Variants in MRPS10 observed in about 807,000 individuals in gnomAD.
MRPS10 encodes small ribosomal subunit protein uS10m.
In MRPS10, 23 loss-of-function variants were observed where a neutral mutation model predicts 27.5. The observed-to-expected ratio is 0.84, with a 90% confidence interval of 0.60 to 1.18. The LOEUF is 1.18. MRPS10 is among the 50% of genes most tolerant of loss of function. The pLI is 0.00. For synonymous variants in MRPS10, 88 were observed against 84.2 expected, an observed-to-expected ratio of 1.04 and a Z score of -0.25; for missense variants, 237 against 240.1, an observed-to-expected ratio of 0.99 and a Z score of 0.09.
At chr6:42,213,993 A>G in intron 3 of MRPS10, 127 bp downstream of exon 3, 1 of 636,562 alleles carries the variant, frequency 1.6e-6, no homozygotes, top group Non-Finnish European at 2.7e-6. Context: ...TGCGTTGTGC[A>G]TTTGCCAGTA....
chr6:42,208,414 G>T (rs758084040), intron 6 of MRPS10, 42 bp from the exon 7 acceptor site: 11 of 1,398,412 alleles, frequency 7.9e-6, no homozygotes, highest in South Asian at 3.7e-5. Flanking sequence ...GGATTTAACA[G>T]AACTCTTTGA....
At chr6:42,214,997 CTACATA>C (rs1192252572) in intron 1 of MRPS10, among the ~76,000 whole-genome samples, 1 of 152,184 alleles carries the variant, frequency 6.6e-6, no homozygotes, top group Non-Finnish European at 1.5e-5. Context: ...AACGATACTA[CTACATA>C]TAACAGCTGT....
At chr6:42,211,673 CA>C (rs35472345) in intron 4 of MRPS10, 107 bp downstream of exon 4, 74,376 of 667,816 alleles carry the variant, frequency 0.11, 281 homozygotes, top group African/African-American at 0.19. Context: ...GACTCTGTCT[CA>C]AAAAAAAAAA....
At chr6:42,214,483 G>GA (rs3215607) in intron 1 of MRPS10, 139 bp from the exon 2 acceptor site, 1,160 of 446,314 alleles carry the variant, frequency 2.6e-3, no homozygotes, top group Middle Eastern at 4.8e-3. Flanking sequence ...AAATTAGATT[G>GA]AAAAAAAAAA....
Position 42,207,682 on chromosome 6 carries a change from A to T in MRPS10, c.*607T>A, listed in dbSNP as rs1768645216. 6.6e-6 allele frequency: 1 copy of T among 152,194 alleles called. No homozygotes were observed. The highest frequency in any genetic ancestry group is 2.4e-5 in the African/African-American group (1 of 41,446). The allele number at this position is 152,194 out of a possible 1,614,324, so 9.4% of individuals were successfully genotyped here. The stretch of plus-strand genomic sequence containing the variant: ...TAAGATCATAAATTCCATTACAGTA[A>T]CCCTGGTAGGCAACTCTATAAAGTT... On this transcript the variant is annotated 3_prime_UTR_variant, in exon 7 of 7. Coordinates refer to ENST00000053468, the MANE Select transcript of MRPS10 (RefSeq NM_018141.4).
intron 5 of MRPS10, 99 bp downstream of exon 5, chr6:42,210,389 T>G (rs990454189): frequency 4.2e-6 from 2 of 475,366 alleles, no homozygotes; most frequent in Admixed American, 4.1e-5. Flanking sequence ...GACATGGGCT[T>G]GCTGAAAGAA....
At position 42,208,125 on chromosome 6, in the gene MRPS10, C is replaced by T. The variant is rs1008490669; in HGVS notation, c.*164G>A. The T allele has an allele frequency of 1.9e-5, 12 of 636,776 alleles. No individual in the cohort carries two copies. Among genetic ancestry groups the T allele is most frequent in the Non-Finnish European group, 3.0e-5 (11 of 362,474 alleles). The allele number at this position is 636,776 out of a possible 1,614,324, so 39.4% of individuals were successfully genotyped here. Reference sequence around the variant, plus strand: ...AAAAGAATAGATAAAAGTGGTTCTTCCATTAAAGTTCCATTCCCTGCCCTC... The same window carrying T: ...AAAAGAATAGATAAAAGTGGTTCTTTCATTAAAGTTCCATTCCCTGCCCTC... On this transcript the variant is annotated 3_prime_UTR_variant, in exon 7 of 7. Coordinates refer to ENST00000053468, the MANE Select transcript of MRPS10 (RefSeq NM_018141.4).
Position 42,214,116 on chromosome 6 carries a change from A to C in MRPS10, c.186+4T>G. ...CCTTATACCAAGAAACAGGGAGTACATACCACAGGTTTGGTCAAATCCTTT... is the reference window on the plus strand; with the variant it reads ...CCTTATACCAAGAAACAGGGAGTACCTACCACAGGTTTGGTCAAATCCTTT... On this transcript the variant is annotated splice_donor_region_variant and intron_variant, in intron 3 of 6. Transcript: ENST00000053468. The C allele has an allele frequency of 8.1e-6, 13 of 1,607,582 alleles. No homozygotes were observed. Among genetic ancestry groups the C allele is most frequent in the Non-Finnish European group, 1.0e-5 (12 of 1,175,966 alleles).
chr6:42,216,385 A>AGTGTGTGTGT lies in MRPS10; in HGVS notation c.48+1407_48+1416dup, dbSNP rs1225590522. Among the ~76,000 whole-genome samples the AGTGTGTGTGT allele has an allele frequency of 1.1e-3, 63 of 58,692 alleles. 3 individuals are homozygous for AGTGTGTGTGT. The highest frequency in any genetic ancestry group is 1.9e-3 in the African/African-American group (42 of 22,492). The allele number at this position is 58,692 out of a possible 152,430, so 38.5% of individuals were successfully genotyped here. A position where few individuals can be genotyped will look rare whatever the true frequency, so the allele number is the denominator to read the frequency against. ...GAGAGAGAGAGAGAGAGAGAGAGAG[A>AGTGTGTGTGT]GTGTGTGTGTGTGTGTGTGTGTGTG... On this transcript the variant is annotated intron_variant, in intron 1 of 6. Coordinates refer to ENST00000053468, the MANE Select transcript of MRPS10 (RefSeq NM_018141.4).
intron 4 of MRPS10, among the ~76,000 whole-genome samples, chr6:42,211,213 A>C (rs940168923): frequency 4.6e-5 from 7 of 152,194 alleles, no homozygotes; most frequent in Non-Finnish European, 7.3e-5. Flanking sequence ...GAAATGATGG[A>C]TGTATTAGCC....
intron 1 of MRPS10, among the ~76,000 whole-genome samples, chr6:42,216,385 A>AGAGAGAGAGAGAGTGTGTGTGTGTGT: frequency 4.4e-4 from 26 of 58,686 alleles, no homozygotes; most frequent in Admixed American, 2.1e-4. Flanking sequence ...AGAGAGAGAG[A>AGAGAGAGAGAGAGTGTGTGTGTGTGT]GTGTGTGTGT....
At chr6:42,215,571 C>A (rs1768902680) in intron 1 of MRPS10, among the ~76,000 whole-genome samples, 1 of 151,910 alleles carries the variant, frequency 6.6e-6, no homozygotes, top group Non-Finnish European at 1.5e-5. Flanking sequence ...GGACTACAGG[C>A]ACGGGCCACC....
intron 3 of MRPS10, among the ~76,000 whole-genome samples, chr6:42,212,252 A>T (rs1050201824): frequency 6.6e-6 from 1 of 152,248 alleles, no homozygotes. Flanking sequence ...GCCTGGGCAG[A>T]AGACTTGGAT....
intron 6 of MRPS10, 110 bp from the exon 7 acceptor site, chr6:42,208,482 C>T: frequency 3.6e-6 from 3 of 844,358 alleles, no homozygotes; most frequent in African/African-American, 1.7e-5. Flanking sequence ...TCTTTTATCC[C>T]CCTAGTCTTT....
In MRPS10 at chr6:42,210,501, TA is replaced by T; in HGVS notation, c.418del (p.Tyr140ThrfsTer4). 1 of 1,483,840 alleles carries T rather than the reference TA, an allele frequency of 6.7e-7. No individual in the cohort carries two copies. Among genetic ancestry groups the T allele is most frequent in the Non-Finnish European group, 9.1e-7 (1 of 1,097,126 alleles). 91.9% of individuals were successfully genotyped at this position (1,483,840 alleles called of 1,614,324 possible). A position where few individuals can be genotyped will look rare whatever the true frequency, so the allele number is the denominator to read the frequency against. On this transcript the variant is annotated frameshift_variant, in exon 5 of 7. Coordinates refer to ENST00000053468, the MANE Select transcript of MRPS10 (RefSeq NM_018141.4). LOFTEE classifies it high-confidence loss of function. Reference protein sequence around the residue: ...HRVQYEMRTLYRCLELEHLTG... With the variant: ...HRVQYEMRTLXRCLELEHLTG... The stretch of plus-strand genomic sequence containing the variant: ...AAATACACTCACCTCTAAACATCTG[TA>T]AAGTGTTCTCATTTCATACTGAACT...
intron 6 of MRPS10, among the ~76,000 whole-genome samples, 187 bp from the exon 7 acceptor site, chr6:42,208,559 G>A (rs1383210282): frequency 6.6e-6 from 1 of 152,074 alleles, no homozygotes; most frequent in Non-Finnish European, 1.5e-5. Context: ...ATACATAATC[G>A]ATTTGATCCT....
chr6:42,215,937 G>A (rs1227459053), intron 1 of MRPS10, among the ~76,000 whole-genome samples: 1 of 151,616 alleles, frequency 6.6e-6, no homozygotes, highest in Non-Finnish European at 1.5e-5. Flanking sequence ...CCACAATCGA[G>A]TTGTGCAAGA....
At chr6:42,210,184 G>A (rs1768738447) in intron 5 of MRPS10, among the ~76,000 whole-genome samples, 1 of 152,228 alleles carries the variant, frequency 6.6e-6, no homozygotes, top group Admixed American at 6.5e-5. Flanking sequence ...ATGTGAAACA[G>A]TTATTAGAAC....
At chr6:42,209,012 T>TCC in intron 5 of MRPS10, 65 bp from the exon 6 acceptor site, 1 of 1,094,164 alleles carries the variant, frequency 9.1e-7, no homozygotes, top group Non-Finnish European at 1.4e-6. Context: ...TTTTGTTTTT[T>TCC]TTTTTGAGAT....
Sources: allele counts gnomAD v4.1 joint callset (sites outside exome capture counted in the v4.1 genomes callset), GRCh38; gene constraint gnomAD v4.1.1; transcripts MANE v1.5; gene names NCBI Gene and HGNC (gene_info 2026-07-23, HGNC 2026-07-21).